TDRKH: variants seen among roughly 807,000 people sequenced by gnomAD.
TDRKH encodes tudor and KH domain containing, also known as tudor and KH domain-containing protein.
In TDRKH, 28 loss-of-function variants were observed where a neutral mutation model predicts 61.3. The ratio of observed to expected loss-of-function variants is 0.46; its 90% CI spans 0.34 to 0.63. The LOEUF is 0.63. Ranked by LOEUF, TDRKH falls within the 20% of genes least tolerant of loss-of-function variation. The probability of loss-of-function intolerance (pLI) is 0.01; values close to 1 mark genes in which losing one functional copy is unlikely to be tolerated. For missense variants in TDRKH, 540 were observed against 683.4 expected (o/e 0.79, Z 2.34); for synonymous variants, 219 against 244.4 (o/e 0.90, Z 0.97).
At chr1:151,780,849 C>CAAAAAAAAAAAAA (rs71789262) in intron 3 of TDRKH, among the ~76,000 whole-genome samples, 1 of 86,236 alleles carries the variant, frequency 1.2e-5, no homozygotes. Flanking sequence ...GACTCTGTCT[C>CAAAAAAAAAAAAA]AAAAAAAAAA....
intron 11 of TDRKH, 59 bp from the exon 12 acceptor site, chr1:151,774,865 C>T: frequency 6.4e-7 from 1 of 1,572,562 alleles, no homozygotes; most frequent in Non-Finnish European, 8.7e-7. Context: ...AAAAAAGAGG[C>T]CACCCTTTCA....
chr1:151,779,153 A>G lies in TDRKH; in HGVS notation c.511T>C (p.Ser171Pro), dbSNP rs1649502479. 1 of 1,614,040 alleles carries G rather than the reference A, an allele frequency of 6.2e-7. No homozygotes were observed. The highest frequency in any genetic ancestry group is 1.7e-5 in the Admixed American group (1 of 59,998). Residue 171 changes from serine to proline, a missense_variant, in exon 5 of 13, where the codon TCA (serine) becomes CCA (proline). Physicochemically the swap from Ser to Pro is moderately conservative, Grantham distance 74. This residue lies in a region of TDRKH where 156 missense variants were observed against 218.0 expected (regional missense o/e 0.72). Coordinates refer to ENST00000368824, the MANE Select transcript of TDRKH (RefSeq NM_001083965.2). ...DKESEGTLLLSRLIKISGTQK... is the reference protein window; with the variant it reads ...DKESEGTLLLPRLIKISGTQK... ...GTTCCTGAGATTTTTATAAGTCTTG[A>G]TAGTAGTAATGTCCCTTCTGATTCT...
downstream of TDRKH, among the ~76,000 whole-genome samples, chr1:151,769,790 G>T (rs908860454): frequency 6.6e-6 from 1 of 152,252 alleles, no homozygotes; most frequent in Admixed American, 6.5e-5. Flanking sequence ...GCAACACTGA[G>T]CACTGAGTGA....
chr1:151,771,032 T>C, downstream of TDRKH: 1 of 1,525,934 alleles, frequency 6.6e-7, no homozygotes, highest in Non-Finnish European at 8.8e-7. Context: ...ATACATGTAT[T>C]GAGTTTTAAA....
intron 4 of TDRKH, chr1:151,779,725 G>C: frequency 2.0e-6 from 1 of 490,302 alleles, no homozygotes; most frequent in Non-Finnish European, 3.6e-6. Flanking sequence ...ACATCTACTA[G>C]AACCCTTAAA....
At position 151,774,059 on chromosome 1, in the gene TDRKH, T is replaced by G; in HGVS notation, c.*393A>C. On this transcript the variant is annotated 3_prime_UTR_variant, in exon 13 of 13. Coordinates refer to ENST00000368824, the MANE Select transcript of TDRKH (RefSeq NM_001083965.2). ...GTTGGGGAGGGATCCGGAGGTGGAA[T>G]GGGGGAGACACACTTGTAGCGTGGT... The G allele has an allele frequency of 1.1e-5, 2 of 188,346 alleles. No homozygotes were observed. The highest frequency in any genetic ancestry group is 2.2e-5 in the Non-Finnish European group (2 of 91,434). 11.7% of individuals were successfully genotyped at this position (188,346 alleles called of 1,614,324 possible).
intron 3 of TDRKH, among the ~76,000 whole-genome samples, chr1:151,780,633 G>A (rs1571998366): frequency 6.6e-6 from 1 of 152,008 alleles, no homozygotes; most frequent in South Asian, 2.1e-4. Context: ...GCTGGATCAC[G>A]AGGTCAGGAG....
chr1:151,772,668 G>A (rs1648787080), downstream of TDRKH, among the ~76,000 whole-genome samples: 1 of 152,112 alleles, frequency 6.6e-6, no homozygotes, highest in Non-Finnish European at 1.5e-5. Context: ...GAGCCTCACA[G>A]TACTGTCAGA....
chr1:151,781,450 G>C (rs371181603), intron 3 of TDRKH, 31 bp downstream of exon 3: 15 of 1,585,590 alleles, frequency 9.5e-6, no homozygotes, highest in Middle Eastern at 1.7e-4. Context: ...ATCAATCCTT[G>C]GGAAAGCAGA....
At chr1:151,778,623 T>G in intron 6 of TDRKH, 62 bp downstream of exon 6, 1 of 1,603,880 alleles carries the variant, frequency 6.2e-7, no homozygotes, top group Non-Finnish European at 8.5e-7. Context: ...TTCTAATCTC[T>G]CCAATATCTA....
rs774883001 is a variant in TDRKH at position 151,779,015 on chromosome 1, A to C, written c.562-9T>G. The C allele has an allele frequency of 6.2e-7, 1 of 1,612,756 alleles. No individual in the cohort carries two copies. The highest frequency in any genetic ancestry group is 8.5e-7 in the Non-Finnish European group (1 of 1,179,112). On this transcript the variant is annotated splice_polypyrimidine_tract_variant and intron_variant, in intron 5 of 12. Coordinates refer to ENST00000368824, the MANE Select transcript of TDRKH (RefSeq NM_001083965.2). The stretch of plus-strand genomic sequence containing the variant: ...TTCTCCAGTATCAAATGCTGTGGAA[A>C]ACAAGAGAAAGGATGATATTCTGAC...
At chr1:151,779,901 G>A in intron 4 of TDRKH, 50 bp downstream of exon 4, 2 of 1,535,538 alleles carry the variant, frequency 1.3e-6, no homozygotes, top group East Asian at 4.6e-5. Context: ...GTGAAAGAGG[G>A]GCAAAGGTAA....
Position 151,776,592 on chromosome 1 carries a change from A to T in TDRKH, c.891T>A (p.Ser297Arg). 1 of 1,614,092 alleles carries T rather than the reference A, an allele frequency of 6.2e-7. No individual in the cohort carries two copies. Among genetic ancestry groups the T allele is most frequent in the Non-Finnish European group, 8.5e-7 (1 of 1,179,982 alleles). Residue 297 changes from serine (S) to arginine (R), a missense_variant, in exon 7 of 13, where the codon AGT becomes AGA. Around this residue, in one of 3 missense-constraint regions of TDRKH, gnomAD observed 379 missense variants for 443.8 expected, o/e 0.85. Transcript: ENST00000368824. Reference protein sequence around the residue: ...IPEMPMFEIPSPDFSFHADEY... With the variant: ...IPEMPMFEIPRPDFSFHADEY... ...CATCAGCATGAAAACTGAAGTCAGGACTGGGGACTGAACACAGAGATAAGG... is the reference window on the plus strand; with the variant it reads ...CATCAGCATGAAAACTGAAGTCAGGTCTGGGGACTGAACACAGAGATAAGG...
chr1:151,788,788 TATCAAG>T (rs999726288), intron 1 of TDRKH, among the ~76,000 whole-genome samples: 3 of 152,184 alleles, frequency 2.0e-5, no homozygotes, highest in African/African-American at 4.8e-5. Context: ...GTTCTGACAC[TATCAAG>T]ATCAAGTGCA....
At chr1:151,770,964 C>T, downstream of TDRKH, 2 of 1,428,792 alleles carry the variant, frequency 1.4e-6, no homozygotes, top group Non-Finnish European at 1.8e-6. Flanking sequence ...ATCCTATATG[C>T]CTGCACTACA....
downstream of TDRKH, chr1:151,771,055 C>T (rs779434839): frequency 3.1e-5 from 48 of 1,554,968 alleles, no homozygotes; most frequent in Non-Finnish European, 4.2e-5. Context: ...ATGTTCTAAT[C>T]ATTTGTTCTA....
downstream of TDRKH, chr1:151,767,505 A>C: frequency 1.8e-6 from 2 of 1,140,744 alleles, no homozygotes; most frequent in South Asian, 4.1e-5. Flanking sequence ...GAAAATCAGG[A>C]TTGGGAAAAG....
intron 1 of TDRKH, among the ~76,000 whole-genome samples, chr1:151,787,374 A>G (rs545639862): frequency 2.0e-5 from 3 of 152,162 alleles, no homozygotes; most frequent in Non-Finnish European, 4.4e-5. Context: ...ACCTGCCACC[A>G]TGCCCAGCTA....
At chr1:151,773,305 G>C (rs1648848379), downstream of TDRKH, among the ~76,000 whole-genome samples, 1 of 152,218 alleles carries the variant, frequency 6.6e-6, no homozygotes, top group Admixed American at 6.5e-5. Flanking sequence ...ACAGGTGTGA[G>C]CTACCGTGCC....
Sources: allele counts gnomAD v4.1 joint callset (sites outside exome capture counted in the v4.1 genomes callset), GRCh38; gene constraint gnomAD v4.1.1; regional missense constraint gnomAD v4.1.1; transcripts MANE v1.5; gene names NCBI Gene and HGNC (gene_info 2026-07-23, HGNC 2026-07-21).